KIAA1217: variants seen among roughly 807,000 people sequenced by gnomAD.
The protein encoded by KIAA1217 is sickle tail protein homolog.
In KIAA1217, 88 loss-of-function variants were observed where a neutral mutation model predicts 163.9. The observed-to-expected ratio is 0.54, with a 90% confidence interval of 0.45 to 0.64. The LOEUF is 0.64. Ranked by LOEUF, KIAA1217 falls within the 30% of genes least tolerant of loss-of-function variation. KIAA1217 has a pLI of 0.00. For missense variants in KIAA1217, 2,372 were observed against 2,475.0 expected, an observed-to-expected ratio of 0.96 and a Z score of 0.88; for synonymous variants, 903 against 923.1, an observed-to-expected ratio of 0.98 and a Z score of 0.39.
rs1838085817 is a variant in KIAA1217 at position 23,829,761 on chromosome 10, A to G, written c.-321+134527A>G. Among the ~76,000 whole-genome samples, 6 of 152,178 alleles carry G rather than the reference A, an allele frequency of 3.9e-5. No individual in the cohort carries two copies. In the South Asian group the frequency reaches 1.2e-3, roughly 31 times the overall value. On this transcript the variant is annotated intron_variant, in intron 1 of 18. Transcript: ENST00000376462. ...TATTACATACGTAATCTTTTTGTAC[A>G]TGTGGTAATCTTGGATAGCAAGGGG...
intron 2 of KIAA1217, among the ~76,000 whole-genome samples, chr10:24,054,806 T>G (rs1422887061): frequency 1.3e-5 from 2 of 152,202 alleles, no homozygotes; most frequent in Admixed American, 6.5e-5. Context: ...ATTACTGTAC[T>G]GAATACTATG....
At chr10:24,391,344 T>C (rs1325374333) in intron 3 of KIAA1217, among the ~76,000 whole-genome samples, 1 of 140,920 alleles carries the variant, frequency 7.1e-6, no homozygotes, top group African/African-American at 2.6e-5. Flanking sequence ...TTTTTTTTTT[T>C]TTTTTTTTTT....
At chr10:24,530,427 C>T (rs2072950140) in intron 14 of KIAA1217, among the ~76,000 whole-genome samples, 1 of 152,088 alleles carries the variant, frequency 6.6e-6, no homozygotes, top group African/African-American at 2.4e-5. Context: ...GCATCCGTGA[C>T]CTGTAAACAT....
chr10:23,781,470 T>C (rs1351477930), intron 1 of KIAA1217, among the ~76,000 whole-genome samples: 2 of 152,216 alleles, frequency 1.3e-5, no homozygotes, highest in Non-Finnish European at 2.9e-5. Context: ...GTTCCTTATG[T>C]ATTTTGGACA....
chr10:24,021,609 T>G (rs1215929883), intron 2 of KIAA1217, among the ~76,000 whole-genome samples: 2 of 151,858 alleles, frequency 1.3e-5, no homozygotes, highest in Non-Finnish European at 2.9e-5. Context: ...AAAGTTTACA[T>G]GAAAGGCAAA....
At chr10:24,354,577 G>A (rs1038956433) in intron 2 of KIAA1217, among the ~76,000 whole-genome samples, 1 of 152,192 alleles carries the variant, frequency 6.6e-6, no homozygotes, top group African/African-American at 2.4e-5. Flanking sequence ...ACTGAAGGAT[G>A]GTAAATGCGG....
At chr10:24,087,908 C>CCTGGCTAGCCAG (rs1564685396) in intron 2 of KIAA1217, among the ~76,000 whole-genome samples, 3 of 132,150 alleles carry the variant, frequency 2.3e-5, no homozygotes, top group Admixed American at 7.3e-5. Flanking sequence ...CAGATCAGAG[C>CCTGGCTAGCCAG]TGTGGTGGCC....
At chr10:23,755,513 T>C (rs1833875871) in intron 1 of KIAA1217, among the ~76,000 whole-genome samples, 1 of 152,156 alleles carries the variant, frequency 6.6e-6, no homozygotes, top group Admixed American at 6.5e-5. Flanking sequence ...ATATAGAATG[T>C]GCAATGTAGA....
chr10:24,464,360 A>T (rs2062726459), intron 5 of KIAA1217, among the ~76,000 whole-genome samples: 1 of 152,226 alleles, frequency 6.6e-6, no homozygotes, highest in Non-Finnish European at 1.5e-5. Flanking sequence ...CCTGGCAGGA[A>T]GGAAGAGAAG....
intron 1 of KIAA1217, among the ~76,000 whole-genome samples, chr10:23,852,376 C>T (rs1839395433): frequency 6.6e-6 from 1 of 152,128 alleles, no homozygotes; most frequent in African/African-American, 2.4e-5. Context: ...TGATCTATAT[C>T]TCTGTTTTGG....
At chr10:24,009,849 G>T (rs1368739420) in intron 2 of KIAA1217, among the ~76,000 whole-genome samples, 1 of 152,122 alleles carries the variant, frequency 6.6e-6, no homozygotes, top group Non-Finnish European at 1.5e-5. Context: ...CTGAGCTTGG[G>T]AGATTCGCTC....
chr10:23,719,218 C>G (rs747482999), intron 1 of KIAA1217, among the ~76,000 whole-genome samples: 2 of 152,152 alleles, frequency 1.3e-5, no homozygotes, highest in Non-Finnish European at 2.9e-5. Flanking sequence ...GAGTATTGTT[C>G]AGCCATAGAA....
chr10:23,866,188 T>C (rs907815619), intron 1 of KIAA1217, among the ~76,000 whole-genome samples: 4 of 152,282 alleles, frequency 2.6e-5, no homozygotes, highest in South Asian at 2.1e-4. Flanking sequence ...CTGCATTCTA[T>C]GATGTGTGAT....
chr10:23,951,613 A>C (rs1241193223), intron 1 of KIAA1217, among the ~76,000 whole-genome samples: 1 of 151,652 alleles, frequency 6.6e-6, no homozygotes, highest in African/African-American at 2.4e-5. Context: ...TGATTGTACC[A>C]CTGCACTCCA....
intron 4 of KIAA1217, among the ~76,000 whole-genome samples, chr10:24,437,921 A>G (rs968559569): frequency 1.3e-5 from 2 of 149,406 alleles, no homozygotes; most frequent in Admixed American, 6.7e-5. Flanking sequence ...AAAAAAAAAA[A>G]AAAAGAAAAA....
chr10:23,824,658 A>AAAAAAAAAAAATATAT (rs1837805755), intron 1 of KIAA1217, among the ~76,000 whole-genome samples: 1 of 53,040 alleles, frequency 1.9e-5, no homozygotes, highest in Non-Finnish European at 3.6e-5. Context: ...AAATAAAAAA[A>AAAAAAAAAAAATATAT]ATATATATAT....
intron 2 of KIAA1217, among the ~76,000 whole-genome samples, chr10:24,176,268 T>G (rs2065885719): frequency 6.6e-6 from 1 of 152,114 alleles, no homozygotes; most frequent in Non-Finnish European, 1.5e-5. Flanking sequence ...AAGCACTGAT[T>G]GGTGCATTTA....
At chr10:24,168,152 A>G (rs142778972) in intron 2 of KIAA1217, among the ~76,000 whole-genome samples, 1 of 152,278 alleles carries the variant, frequency 6.6e-6, no homozygotes, top group Non-Finnish European at 1.5e-5. Flanking sequence ...GGGGATTGCT[A>G]GGGGTATGTG....
Position 24,543,113 on chromosome 10 carries a change from CAA to C in KIAA1217, c.3845_3846del (p.Lys1282ArgfsTer3). ...TTAGTCCATTAGAAGATGAAATAAA[CAA>C]AGGGTCTAAAATCTCAGGCCTGCAA... Reference protein sequence around the residue: ...GISPLEDEINKGSKISGLQYS... With the variant: ...GISPLEDEINXGSKISGLQYS... On this transcript the variant is annotated frameshift_variant, in exon 19 of 21. Transcript: ENST00000376454. LOFTEE classifies it high-confidence loss of function. The C allele has an allele frequency of 6.2e-7, 1 of 1,613,240 alleles. No homozygotes were observed. The highest frequency in any genetic ancestry group is 1.1e-5 in the South Asian group (1 of 91,028).
Sources: gnomAD v4.1 joint callset for allele counts (sites outside exome capture counted in the v4.1 genomes callset) on GRCh38, gnomAD v4.1.1 for gene constraint, MANE v1.5 for transcripts, NCBI Gene and HGNC (gene_info 2026-07-23, HGNC 2026-07-21) for gene names.